ADGRA1: variants seen among roughly 807,000 people sequenced by gnomAD.
ADGRA1 encodes the protein adhesion G protein-coupled receptor A1.
A neutral mutation model predicts 21.3 loss-of-function variants in ADGRA1; 12 were observed. That is an observed-to-expected ratio of 0.56 (90% CI 0.36 to 0.91). The LOEUF (loss-of-function observed/expected upper bound fraction) is 0.91. ADGRA1 is among the 40% of genes least tolerant of loss of function. ADGRA1 has a pLI of 0.01. For missense variants in ADGRA1, 790 were observed against 805.6 expected, an observed-to-expected ratio of 0.98 and a Z score of 0.23; for synonymous variants, 385 against 368.8, an observed-to-expected ratio of 1.04 and a Z score of -0.50.
In ADGRA1 at chr10:133,131,422, C is replaced by T. The variant is rs557808771; in HGVS notation, c.*1911C>T. The T allele has an allele frequency of 6.6e-6, 1 of 152,294 alleles. No homozygotes were observed. The highest frequency in any genetic ancestry group is 2.4e-5 in the African/African-American group (1 of 41,454). The allele number at this position is 152,294 out of a possible 1,614,324, so 9.4% of individuals were successfully genotyped here. A position where few individuals can be genotyped will look rare whatever the true frequency, so the allele number is the denominator to read the frequency against. Reference sequence around the variant, plus strand: ...CGTCCACACAAAAATACAGTCTTGGCATTGTTTGTTCTTTGTGAGGCTGGT... The same window carrying T: ...CGTCCACACAAAAATACAGTCTTGGTATTGTTTGTTCTTTGTGAGGCTGGT... On this transcript the variant is annotated 3_prime_UTR_variant, in exon 7 of 7. Transcript: ENST00000392607.
intron 2 of ADGRA1, among the ~76,000 whole-genome samples, chr10:133,094,874 C>T (rs1851661409): frequency 6.6e-6 from 1 of 152,176 alleles, no homozygotes; most frequent in Non-Finnish European, 1.5e-5. Context: ...CATTCTCCAC[C>T]TCCCAGCAGC....
At chr10:133,100,960 C>T (rs1016876199) in intron 4 of ADGRA1, among the ~76,000 whole-genome samples, 1 of 152,202 alleles carries the variant, frequency 6.6e-6, no homozygotes, top group Non-Finnish European at 1.5e-5. Context: ...CTCGGGGAGC[C>T]CACAAGGCGA....
intron 2 of ADGRA1, among the ~76,000 whole-genome samples, chr10:133,091,052 G>T (rs1051612295): frequency 6.6e-6 from 1 of 152,222 alleles, no homozygotes; most frequent in Non-Finnish European, 1.5e-5. Flanking sequence ...AAGCAAATGT[G>T]AACTTGCCTG....
In ADGRA1 at chr10:133,130,024, C is replaced by A; in HGVS notation, c.*513C>A. On this transcript the variant is annotated 3_prime_UTR_variant, in exon 7 of 7. Coordinates refer to ENST00000392607, the MANE Select transcript of ADGRA1 (RefSeq NM_001083909.3). ...AATGTGTGTGTCTTGCGTTCTACTC[C>A]GGGGGTGGCGGCGGCAGGTCTGTCC... 6.3e-6 allele frequency: 1 copy of A among 157,806 alleles called. No individual in the cohort carries two copies. Among genetic ancestry groups the A allele is most frequent in the Non-Finnish European group, 1.4e-5 (1 of 71,456 alleles). The allele number at this position is 157,806 out of a possible 1,614,324, so 9.8% of individuals were successfully genotyped here.
chr10:133,124,857 C>T (rs1313554887), intron 5 of ADGRA1, among the ~76,000 whole-genome samples: 4 of 151,334 alleles, frequency 2.6e-5, no homozygotes, highest in Non-Finnish European at 4.4e-5. Context: ...GCCCCGGCCC[C>T]GCGCCTGCAC....
rs1184554034 is a variant in ADGRA1 at position 133,087,949 on chromosome 10, G to A, written c.-392G>A. The A allele has an allele frequency of 1.0e-6, 1 of 984,902 alleles. No homozygotes were observed. Among genetic ancestry groups the A allele is most frequent in the Non-Finnish European group, 1.2e-6 (1 of 829,840 alleles). The allele number at this position is 984,902 out of a possible 1,614,324, so 61.0% of individuals were successfully genotyped here. A position where few individuals can be genotyped will look rare whatever the true frequency, so the allele number is the denominator to read the frequency against. ...GCAGAGGCGGCGGCGCTGCTGGCCG[G>A]GCTGGGCCGCTCGTGCGCGGGGCTG... On this transcript the variant is annotated 5_prime_UTR_variant, in exon 1 of 7. Transcript: ENST00000392607.
Position 133,098,648 on chromosome 10 carries a change from G to A in ADGRA1, c.140G>A (p.Arg47His), listed in dbSNP as rs758324701. The A allele has an allele frequency of 1.2e-5, 20 of 1,608,650 alleles. No homozygotes were observed. In the Admixed American group the frequency reaches 2.0e-4, roughly 16 times the overall value. The change falls in exon 4 of 7, where the codon CGC (arginine) becomes CAC (histidine). Residue 47 changes from arginine to histidine, a missense_variant. Physicochemically the swap from Arg to His is conservative, Grantham distance 29. Transcript: ENST00000392607. The part of the protein sequence containing the change: ...VTYIVHQSAI[R>H]ISRKGRHTLL... Reference sequence around the variant, plus strand: ...CCTTTCCCGTCCCACAGCGCCATCCGCATCAGCCGCAAGGGCCGGCACACG... The same window carrying A: ...CCTTTCCCGTCCCACAGCGCCATCCACATCAGCCGCAAGGGCCGGCACACG...
chr10:133,102,650 G>T (rs757240235), intron 4 of ADGRA1, 47 bp from the exon 5 acceptor site: 7 of 1,575,986 alleles, frequency 4.4e-6, no homozygotes, highest in Non-Finnish European at 6.0e-6. Flanking sequence ...TGGGCTCTGG[G>T]GGGTGGGTGC....
In ADGRA1 at chr10:133,088,262, G is replaced by T. The variant is rs537825246; in HGVS notation, c.-203+124G>T. 2.2e-3 allele frequency: 689 copies of T among 319,174 alleles called. 3 individuals are homozygous for T. The highest frequency in any genetic ancestry group is 0.015 in the African/African-American group (646 of 44,438). 19.8% of individuals were successfully genotyped at this position (319,174 alleles called of 1,614,324 possible). On this transcript the variant is annotated intron_variant, in intron 1 of 6. Transcript: ENST00000392607. ...GCAGCTCCGAGTAACTTTCGGCTCC[G>T]CTGGGGCGGGAGGCGCCACGGATAA...
In ADGRA1 at chr10:133,128,368, C is replaced by T. The variant is rs780151277; in HGVS notation, c.540C>T (p.Tyr180=). The T allele has an allele frequency of 3.1e-5, 49 of 1,575,022 alleles. No homozygotes were observed. Among genetic ancestry groups the T allele is most frequent in the East Asian group, 6.8e-5 (3 of 44,194 alleles). Reference sequence around the variant, plus strand: ...GGGAGCCCAGCCTGGGCGCCTTCTACGGCCCAGCCGCCATCATCACCCTGG... The same window carrying T: ...GGGAGCCCAGCCTGGGCGCCTTCTATGGCCCAGCCGCCATCATCACCCTGG... ...MAWEPSLGAF[Y]GPAAIITLVT... is the part of the protein sequence containing the mutation. The change falls in exon 7 of 7, where the codon TAC becomes TAT. Residue 180 remains tyrosine (Y), a synonymous_variant. Transcript: ENST00000392607.
At chr10:133,118,425 G>T (rs529717513) in intron 5 of ADGRA1, among the ~76,000 whole-genome samples, 24 of 152,254 alleles carry the variant, frequency 1.6e-4, no homozygotes, top group Non-Finnish European at 2.8e-4. Context: ...AAGGAAAGAA[G>T]TTTAATTGAC....
Position 133,098,707 on chromosome 10 carries a change from T to G in ADGRA1, c.199T>G (p.Phe67Val), listed in dbSNP as rs758089389. ...TTTCTGCTTCCACGCGGCCCTGACC[T>G]TCACTGTGTTCGCCGGCGGCATCAA... is the stretch of plus-strand genomic sequence containing the variant. ...LNFCFHAALT[F>V]TVFAGGINRT... The change falls in exon 4 of 7, where the codon TTC (phenylalanine) becomes GTC (valine). Residue 67 changes from phenylalanine (F) to valine (V), a missense_variant. By Grantham distance (50) the Phe-to-Val change is conservative. Transcript: ENST00000392607. The G allele has an allele frequency of 1.2e-6, 2 of 1,611,938 alleles. No homozygotes were observed. The highest frequency in any genetic ancestry group is 8.5e-7 in the Non-Finnish European group (1 of 1,179,960).
chr10:133,113,957 G>A (rs866433622), intron 5 of ADGRA1, among the ~76,000 whole-genome samples: 12 of 152,204 alleles, frequency 7.9e-5, no homozygotes, highest in African/African-American at 2.2e-4. Context: ...CCACAGGCAC[G>A]GGGACTTACC....
intron 2 of ADGRA1, among the ~76,000 whole-genome samples, chr10:133,092,277 A>C (rs1360421311): frequency 6.6e-6 from 1 of 152,234 alleles, no homozygotes; most frequent in Non-Finnish European, 1.5e-5. Flanking sequence ...AAATGGCTAC[A>C]GTCTACTTCC....
chr10:133,092,198 C>T (rs1851606887), intron 2 of ADGRA1, among the ~76,000 whole-genome samples: 1 of 152,226 alleles, frequency 6.6e-6, no homozygotes, highest in Non-Finnish European at 1.5e-5. Context: ...GTCGCGCGTA[C>T]GAACATTTCA....
chr10:133,116,773 TCTC>T (rs1366379904), intron 5 of ADGRA1, among the ~76,000 whole-genome samples: 1 of 151,838 alleles, frequency 6.6e-6, no homozygotes, highest in African/African-American at 2.4e-5. Flanking sequence ...TCCTCCATCC[TCTC>T]CTCCTCATCT....
chr10:133,119,422 G>A (rs1852215957), intron 5 of ADGRA1, among the ~76,000 whole-genome samples: 1 of 152,210 alleles, frequency 6.6e-6, no homozygotes, highest in African/African-American at 2.4e-5. Flanking sequence ...AATGACATTT[G>A]CCACATTGAT....
At chr10:133,126,081 G>A (rs1478123659) in intron 5 of ADGRA1, among the ~76,000 whole-genome samples, 1 of 152,240 alleles carries the variant, frequency 6.6e-6, no homozygotes, top group Non-Finnish European at 1.5e-5. Context: ...GCTTCCTGCT[G>A]TTCTGGTGAA....
Position 133,125,497 on chromosome 10 carries a change from C to T in ADGRA1, c.402-1736C>T, listed in dbSNP as rs1449239949. Among the ~76,000 whole-genome samples the T allele has an allele frequency of 2.0e-5, 3 of 152,212 alleles. No individual in the cohort carries two copies. The East Asian group carries it at 5.8e-4, about 29-fold the overall frequency. On this transcript the variant is annotated intron_variant, in intron 5 of 6. Transcript: ENST00000392607. The stretch of plus-strand genomic sequence containing the variant: ...GGAGTGCAGTGGCGCGATCTCGGCT[C>T]ACTGCAAACCCCGCCTCCTGGGTTC...
Sources: allele counts gnomAD v4.1 joint callset (sites outside exome capture counted in the v4.1 genomes callset), GRCh38; gene constraint gnomAD v4.1.1; transcripts MANE v1.5; gene names NCBI Gene and HGNC (gene_info 2026-07-23, HGNC 2026-07-21).